The following DTNA variants were observed in gnomAD, a reference collection of about 807,000 sequenced individuals.
DTNA encodes the protein dystrophin-related protein 3.
DTNA carries 43 observed loss-of-function variants against 100.7 expected under a neutral mutation model. The ratio of observed to expected loss-of-function variants is 0.43; its 90% CI spans 0.33 to 0.55. The LOEUF (loss-of-function observed/expected upper bound fraction) is 0.55, where lower values mean the gene tolerates loss of function less well. Ranked by LOEUF, DTNA falls within the 20% of genes least tolerant of loss-of-function variation. DTNA has a pLI of 0.04. For missense variants in DTNA, 798 were observed against 953.9 expected (o/e 0.84, Z 2.15); for synonymous variants, 349 against 347.9 (o/e 1.00, Z -0.04).
At chr18:34,528,317 A>G (rs2042826679) in intron 1 of DTNA, among the ~76,000 whole-genome samples, 1 of 152,140 alleles carries the variant, frequency 6.6e-6, no homozygotes, top group South Asian at 2.1e-4. Flanking sequence ...TCCATTAAAA[A>G]TTCTAGAATT....
At chr18:34,651,257 G>T (rs944637096) in intron 1 of DTNA, among the ~76,000 whole-genome samples, 1 of 152,074 alleles carries the variant, frequency 6.6e-6, no homozygotes, top group African/African-American at 2.4e-5. Context: ...TTGCATTTAT[G>T]ATATCATTTA....
chr18:34,584,792 A>C (rs1394845588), intron 1 of DTNA, among the ~76,000 whole-genome samples: 1 of 152,200 alleles, frequency 6.6e-6, no homozygotes, highest in Admixed American at 6.5e-5. Context: ...AGAAGAAATC[A>C]TAAGTGTTTT....
At chr18:34,883,884 C>T (rs192996284) in intron 21 of DTNA, among the ~76,000 whole-genome samples, 1 of 152,296 alleles carries the variant, frequency 6.6e-6, no homozygotes, top group African/African-American at 2.4e-5. Context: ...TCTAGCCATA[C>T]CAAAGAAAGA....
At chr18:34,499,414 A>C (rs2039649415) in intron 1 of DTNA, among the ~76,000 whole-genome samples, 1 of 152,162 alleles carries the variant, frequency 6.6e-6, no homozygotes, top group African/African-American at 2.4e-5. Context: ...ATTTTTTTCC[A>C]ATTTTTTGGC....
chr18:34,535,242 A>G (rs1601589619), intron 1 of DTNA, among the ~76,000 whole-genome samples: 1 of 152,154 alleles, frequency 6.6e-6, no homozygotes. Context: ...TCTAATGACC[A>G]GTGATGATGA....
upstream of DTNA, among the ~76,000 whole-genome samples, chr18:34,706,485 A>G (rs1429846225): frequency 6.7e-6 from 1 of 149,658 alleles, no homozygotes; most frequent in Admixed American, 6.6e-5. Context: ...TAAGTATATA[A>G]TTATAATTTT....
At chr18:34,537,889 G>A (rs1434041436) in intron 1 of DTNA, among the ~76,000 whole-genome samples, 1 of 151,920 alleles carries the variant, frequency 6.6e-6, no homozygotes, top group Non-Finnish European at 1.5e-5. Flanking sequence ...GTATTTATTA[G>A]AAGATTACAA....
intron 1 of DTNA, among the ~76,000 whole-genome samples, chr18:34,569,314 G>A (rs1332135294): frequency 6.6e-6 from 1 of 152,216 alleles, no homozygotes. Flanking sequence ...TGTCTGAGAA[G>A]GACCTGAAGC....
intron 1 of DTNA, among the ~76,000 whole-genome samples, chr18:34,507,158 G>A (rs2040572871): frequency 6.6e-6 from 1 of 152,008 alleles, no homozygotes. Context: ...TCCCCTCCTG[G>A]AAAGCCATTA....
chr18:34,531,185 A>G (rs996939282), intron 1 of DTNA, among the ~76,000 whole-genome samples: 2 of 152,110 alleles, frequency 1.3e-5, no homozygotes, highest in East Asian at 1.9e-4. Flanking sequence ...TAGCATATAC[A>G]TTCTGTGTTT....
chr18:34,630,040 T>C (rs2057868945), intron 1 of DTNA, among the ~76,000 whole-genome samples: 1 of 152,214 alleles, frequency 6.6e-6, no homozygotes, highest in Non-Finnish European at 1.5e-5. Context: ...TATTCTACCA[T>C]CACTTGATGA....
At chr18:34,842,284 AT>A (rs2096282270) in intron 13 of DTNA, among the ~76,000 whole-genome samples, 1 of 152,200 alleles carries the variant, frequency 6.6e-6, no homozygotes, top group African/African-American at 2.4e-5. Flanking sequence ...GAAAGTGTAC[AT>A]TTGTGTTGTC....
intron 1 of DTNA, among the ~76,000 whole-genome samples, chr18:34,592,620 C>T (rs1479664016): frequency 6.6e-6 from 1 of 151,734 alleles, no homozygotes; most frequent in Non-Finnish European, 1.5e-5. Context: ...ATCAGTTTTT[C>T]CACAATTCTT....
chr18:34,816,809 T>C (rs2095607745), intron 7 of DTNA, among the ~76,000 whole-genome samples: 1 of 152,224 alleles, frequency 6.6e-6, no homozygotes. Flanking sequence ...GCAGCTAAAG[T>C]TAGCTTAATT....
chr18:34,873,381 A>C (rs1300809593), intron 17 of DTNA, among the ~76,000 whole-genome samples: 1 of 152,198 alleles, frequency 6.6e-6, no homozygotes, highest in African/African-American at 2.4e-5. Flanking sequence ...CAGAGACAAG[A>C]GGCTCAGGAG....
intron 11 of DTNA, among the ~76,000 whole-genome samples, chr18:34,830,301 ATTTAGCCTAAGTTTAGTCT>A (rs1046095675): frequency 5.3e-4 from 80 of 152,150 alleles, no homozygotes; most frequent in Middle Eastern, 3.4e-3. Flanking sequence ...TCCATATTTT[ATTTAGCCTAAGTTTAGTCT>A]TTTGTATCAT....
At chr18:34,867,479 T>G (rs1017658266) in intron 17 of DTNA, 23 of 1,213,938 alleles carry the variant, frequency 1.9e-5, no homozygotes, top group Non-Finnish European at 2.4e-5. Context: ...TGCTATTGTA[T>G]TTCCAATACA....
chr18:34,742,754 T>TA (rs1449984353), intron 1 of DTNA, among the ~76,000 whole-genome samples: 1 of 141,188 alleles, frequency 7.1e-6, no homozygotes, highest in Non-Finnish European at 1.5e-5. Context: ...CTCTCAGAGT[T>TA]AGGATAAGAA....
upstream of DTNA, chr18:34,709,316 A>T (rs1352847177): frequency 6.6e-6 from 1 of 152,206 alleles, no homozygotes; most frequent in Non-Finnish European, 1.5e-5. Context: ...AGTTTGGGAA[A>T]TAAGGAAGGT....
Sources: gnomAD v4.1 joint callset for allele counts (sites outside exome capture counted in the v4.1 genomes callset) on GRCh38, gnomAD v4.1.1 for gene constraint, MANE v1.5 for transcripts, NCBI Gene and HGNC (gene_info 2026-07-23, HGNC 2026-07-21) for gene names.